The following RNF17 variants were observed in gnomAD, a reference collection of about 807,000 sequenced individuals.
The protein encoded by RNF17 is spermatogenesis associated 23.
RNF17 carries 31 observed loss-of-function variants against 200.5 expected under a neutral mutation model. That is an observed-to-expected ratio of 0.15 (90% CI 0.12 to 0.21). The LOEUF (loss-of-function observed/expected upper bound fraction) is 0.21, where lower values mean the gene tolerates loss of function less well. RNF17 is among the 10% of genes least tolerant of loss of function. The pLI is 1.00. For missense variants in RNF17, 1,628 were observed against 1,905.1 expected (o/e 0.85, Z 2.71); for synonymous variants, 606 against 637.8 (o/e 0.95, Z 0.75).
At chr13:24,767,849 T>C (rs988011160) in intron 2 of RNF17, among the ~76,000 whole-genome samples, 1 of 152,202 alleles carries the variant, frequency 6.6e-6, no homozygotes, top group African/African-American at 2.4e-5. Flanking sequence ...TTTATAATTG[T>C]GTAAAGTGAT....
intron 2 of RNF17, among the ~76,000 whole-genome samples, chr13:24,769,532 T>C (rs117853373): frequency 2.0e-5 from 3 of 152,040 alleles, no homozygotes; most frequent in African/African-American, 7.2e-5. Context: ...CTTCCTGAAA[T>C]TGTTATCACT....
At chr13:24,883,456 A>T, downstream of RNF17, 2 of 1,089,658 alleles carry the variant, frequency 1.8e-6, no homozygotes, top group Non-Finnish European at 2.6e-6. Flanking sequence ...TAGCCTTTTG[A>T]GTCTGGCAGC....
At position 24,779,670 on chromosome 13, in the gene RNF17, A is replaced by G. The variant is rs767892070; in HGVS notation, c.433A>G (p.Thr145Ala). The change falls in exon 5 of 36, where the codon ACT becomes GCT. Residue 145 changes from threonine (T) to alanine (A), a missense_variant. Thr to Ala is a moderately conservative substitution (Grantham distance 58, BLOSUM62 0). This residue lies in a region of RNF17 where 502 missense variants were observed against 501.7 expected (regional missense o/e 1.00). Transcript: ENST00000255324. ...LLNSSAVMLDTNTAEEIDEAL... is the reference protein window; with the variant it reads ...LLNSSAVMLDANTAEEIDEAL... ...TGTGATTTCCCTCCCTTCTTAGGACACTAATACTGCAGAAGAAATTGATGA... is the reference window on the plus strand; with the variant it reads ...TGTGATTTCCCTCCCTTCTTAGGACGCTAATACTGCAGAAGAAATTGATGA... The G allele has an allele frequency of 4.3e-6, 7 of 1,609,346 alleles. No individual in the cohort carries two copies. Among genetic ancestry groups the G allele is most frequent in the Non-Finnish European group, 6.0e-6 (7 of 1,175,984 alleles).
intron 6 of RNF17, among the ~76,000 whole-genome samples, chr13:24,783,965 A>G (rs1435415968): frequency 6.6e-6 from 1 of 152,200 alleles, no homozygotes; most frequent in East Asian, 1.9e-4. Context: ...TTATAAGAAA[A>G]GCTTTCAGTC....
chr13:24,796,852 G>A (rs1431590622), intron 11 of RNF17, among the ~76,000 whole-genome samples: 1 of 152,052 alleles, frequency 6.6e-6, no homozygotes, highest in Non-Finnish European at 1.5e-5. Flanking sequence ...GTAATATGAG[G>A]AAGCTATGAT....
Position 24,842,095 on chromosome 13 carries a change from C to G in RNF17, c.2537C>G (p.Pro846Arg), listed in dbSNP as rs756428504. 1 of 1,610,734 alleles carries G rather than the reference C, an allele frequency of 6.2e-7. No homozygotes were observed. Among genetic ancestry groups the G allele is most frequent in the South Asian group, 1.1e-5 (1 of 90,762 alleles). The change falls in exon 19 of 36, where the codon CCT (proline) becomes CGT (arginine). Residue 846 changes from proline (P) to arginine (R), a missense_variant. By Grantham distance (103) the Pro-to-Arg change is moderately radical (BLOSUM62 -2). Coordinates refer to ENST00000255324, the MANE Select transcript of RNF17 (RefSeq NM_031277.3). ...LVELFDSLGA[P>R]EMTTTSINDQ... ...GAGCTTTTCGATTCTCTTGGTGCTC[C>G]TGAAATGACTACTACTAGTATTAAT...
At chr13:24,862,621 T>C in intron 27 of RNF17, 92 bp from the exon 28 acceptor site, 1 of 752,606 alleles carries the variant, frequency 1.3e-6, no homozygotes, top group Non-Finnish European at 2.4e-6. Context: ...TCTGATATTA[T>C]TTGTTTATGG....
chr13:24,852,817 A>G (rs985510648), intron 24 of RNF17, among the ~76,000 whole-genome samples: 2 of 152,246 alleles, frequency 1.3e-5, no homozygotes, highest in Non-Finnish European at 1.5e-5. Flanking sequence ...TTTACAGACT[A>G]AAACTACTAG....
chr13:24,751,854 G>A, the RNF17 span: 3 of 152,028 alleles, frequency 2.0e-5, no homozygotes, highest in East Asian at 3.9e-4. Context: ...ATAATTGTTT[G>A]CTGTCTGTCC....
intron 16 of RNF17, among the ~76,000 whole-genome samples, chr13:24,826,766 G>C (rs1888686353): frequency 6.9e-6 from 1 of 145,740 alleles, no homozygotes. Context: ...GAGCAAGACT[G>C]TCTGAAAAAA....
chr13:24,759,093 A>C, the RNF17 span, among the ~76,000 whole-genome samples: 1 of 151,518 alleles, frequency 6.6e-6, no homozygotes, highest in Non-Finnish European at 1.5e-5. Context: ...AAAAAAAAAA[A>C]AAAAAAAAAA....
chr13:24,799,298 T>TTAA, intron 11 of RNF17, 97 bp from the exon 12 acceptor site: 1 of 891,628 alleles, frequency 1.1e-6, no homozygotes, highest in Non-Finnish European at 1.8e-6. Context: ...AATAAACGAA[T>TTAA]TAAGACTTTT....
At chr13:24,763,580 T>A (rs1219445004), upstream of RNF17, among the ~76,000 whole-genome samples, 2 of 151,940 alleles carry the variant, frequency 1.3e-5, no homozygotes, top group Non-Finnish European at 2.9e-5. Flanking sequence ...TTGGCGGAAG[T>A]TACTGGGTTT....
At chr13:24,806,316 A>G (rs549606105) in intron 15 of RNF17, among the ~76,000 whole-genome samples, 10 of 152,194 alleles carry the variant, frequency 6.6e-5, no homozygotes, top group Non-Finnish European at 1.3e-4. Flanking sequence ...TAGTGCTGCA[A>G]TAAACATACG....
rs541482378 is a variant in RNF17 at position 24,818,819 on chromosome 13, G to GTT, written c.2092-6792_2092-6791dup. ...TGTGGACAGCATATAGTTGGATCAT[G>GTT]TTTTTTTTTAATTAATTCTGCCAAT... On this transcript the variant is annotated intron_variant, in intron 15 of 35. Coordinates refer to ENST00000255324, the MANE Select transcript of RNF17 (RefSeq NM_031277.3). Among the ~76,000 whole-genome samples, 465 of 151,026 alleles carry GTT rather than the reference G, an allele frequency of 3.1e-3. 2 individuals are homozygous for GTT. Among genetic ancestry groups the GTT allele is most frequent in the African/African-American group, 0.011 (445 of 41,288 alleles).
chr13:24,846,731 C>G (rs1366140902), intron 22 of RNF17, among the ~76,000 whole-genome samples: 2 of 152,136 alleles, frequency 1.3e-5, no homozygotes, highest in African/African-American at 4.8e-5. Flanking sequence ...TCATAATGTT[C>G]TAAGAAAGTT....
At chr13:24,819,039 GT>G (rs1887729587) in intron 15 of RNF17, among the ~76,000 whole-genome samples, 1 of 151,418 alleles carries the variant, frequency 6.6e-6, no homozygotes, top group Non-Finnish European at 1.5e-5. Flanking sequence ...TTTTGTAATT[GT>G]GTTAAAAAAC....
Position 24,850,359 on chromosome 13 carries a change from C to T in RNF17, c.3120C>T (p.Asp1040=). ...GTTGTAGACCAGCTGGTGGGAGTGACAAGTGGACAGCAACAGCTTGTGACT... is the reference window on the plus strand; with the variant it reads ...GTTGTAGACCAGCTGGTGGGAGTGATAAGTGGACAGCAACAGCTTGTGACT... ...LVDIRPAGGS[D]KWTATACDCL... The change falls in exon 23 of 36, where the codon GAC becomes GAT. Residue 1040 remains aspartate (D), a synonymous_variant. Coordinates refer to ENST00000255324, the MANE Select transcript of RNF17 (RefSeq NM_031277.3). 1.9e-6 allele frequency: 3 copies of T among 1,613,144 alleles called. No individual in the cohort carries two copies. Among genetic ancestry groups the T allele is most frequent in the Non-Finnish European group, 2.5e-6 (3 of 1,179,392 alleles).
chr13:24,800,705 A>G (rs949566289), intron 13 of RNF17, among the ~76,000 whole-genome samples, 171 bp downstream of exon 13: 2 of 152,198 alleles, frequency 1.3e-5, no homozygotes, highest in Non-Finnish European at 2.9e-5. Context: ...GGCTTCCACA[A>G]TTGAAAACAT....
Sources: allele counts gnomAD v4.1 joint callset (sites outside exome capture counted in the v4.1 genomes callset), GRCh38; gene constraint gnomAD v4.1.1; regional missense constraint gnomAD v4.1.1; transcripts MANE v1.5; gene names NCBI Gene and HGNC (gene_info 2026-07-23, HGNC 2026-07-21).